The following GRHL3 variants were observed in gnomAD, a reference collection of about 807,000 sequenced individuals.
GRHL3 encodes the protein grainyhead like transcription factor 3, also known as grainyhead-like protein 3 homolog.
Under a neutral mutation model 70.3 loss-of-function variants are expected in GRHL3, and 20 were observed. The observed-to-expected ratio is 0.28, with a 90% confidence interval of 0.20 to 0.41. GRHL3 has a LOEUF of 0.41. Among genes scored for constraint, GRHL3 ranks in the 10% least tolerant of loss-of-function variants. The pLI, the probability that GRHL3 is intolerant of heterozygous loss-of-function variation, is 1.00. For synonymous variants in GRHL3, 299 were observed against 299.9 expected (o/e 1.00, Z 0.03); for missense variants, 637 against 762.3 (o/e 0.84, Z 1.94).
At position 24,334,834 on chromosome 1, in the gene GRHL3, G is replaced by C. The variant is rs1639735003; in HGVS notation, c.266+128G>C. ...GCTGAGGGCCCACAACACATTTTGG[G>C]ATTCATGATAATGTTTTCATTTATT... On this transcript the variant is annotated intron_variant, in intron 3 of 15. Transcript: ENST00000361548. The surrounding 1 kb of genome is among the most constrained non-coding windows in gnomAD (Gnocchi z 4.3). The C allele has an allele frequency of 3.9e-6, 2 of 515,240 alleles. No individual in the cohort carries two copies. The highest frequency in any genetic ancestry group is 3.5e-5 in the Admixed American group (1 of 28,282). The allele number at this position is 515,240 out of a possible 1,614,324, so 31.9% of individuals were successfully genotyped here. A position where few individuals can be genotyped will look rare whatever the true frequency, so the allele number is the denominator to read the frequency against.
chr1:24,339,310 C>T (rs894629043), intron 7 of GRHL3, among the ~76,000 whole-genome samples: 7 of 150,930 alleles, frequency 4.6e-5, no homozygotes, highest in East Asian at 3.9e-4. Context: ...GAGTCTCGCT[C>T]TCTCACCCAG....
intron 11 of GRHL3, 101 bp downstream of exon 11, chr1:24,343,126 C>A: frequency 7.2e-7 from 1 of 1,390,674 alleles, no homozygotes. Flanking sequence ...GCCTGCCCCT[C>A]AGCCAGTTTC....
chr1:24,338,811 C>T (rs1361010729), intron 7 of GRHL3, among the ~76,000 whole-genome samples: 1 of 152,222 alleles, frequency 6.6e-6, no homozygotes, highest in East Asian at 1.9e-4. Context: ...GCTTCAGCCC[C>T]TATTCTGCCT....
chr1:24,350,525 C>G (rs1640462674), intron 15 of GRHL3, among the ~76,000 whole-genome samples: 4 of 152,182 alleles, frequency 2.6e-5, no homozygotes, highest in Non-Finnish European at 4.4e-5. Flanking sequence ...CACAACCATA[C>G]TAAGAGGTAA....
intron 5 of GRHL3, 54 bp from the exon 6 acceptor site, chr1:24,337,581 AG>A: frequency 6.3e-7 from 1 of 1,593,608 alleles, no homozygotes; most frequent in South Asian, 1.1e-5. Flanking sequence ...ACTGCCCTCT[AG>A]GAGACTTCCT....
chr1:24,326,820 C>G (rs1207099644), intron 1 of GRHL3, among the ~76,000 whole-genome samples: 1 of 152,182 alleles, frequency 6.6e-6, no homozygotes, highest in Non-Finnish European at 1.5e-5. Context: ...CCTGGCTTCA[C>G]TCATTCAGTA....
Position 24,342,893 on chromosome 1 carries a change from C to G in GRHL3, c.1287C>G (p.Gly429=). ...KVKCPDSSNS[G]VKGCLLSGFR... is the part of the protein sequence containing the mutation. ...ACATTGGCTTCCTTCTCCCATCAGG[C>G]GTCAAGGGCTGCCTGCTGTCGGGCT... The change falls in exon 11 of 16, where the codon GGC becomes GGG. Residue 429 remains glycine, a splice_region_variant and synonymous_variant. Coordinates refer to ENST00000361548, the MANE Select transcript of GRHL3 (RefSeq NM_198173.3). This position sits in a 1 kb window ranked among gnomAD's most constrained non-coding sequence, Gnocchi z 4.8. The G allele has an allele frequency of 6.2e-7, 1 of 1,614,176 alleles. No homozygotes were observed. The highest frequency in any genetic ancestry group is 2.2e-5 in the East Asian group (1 of 44,880).
intron 1 of GRHL3, among the ~76,000 whole-genome samples, chr1:24,326,836 CAACAGGTCACCT>C (rs1639418736): frequency 6.6e-6 from 1 of 152,194 alleles, no homozygotes; most frequent in Non-Finnish European, 1.5e-5. Context: ...CAGTACCCTG[CAACAGGTCACCT>C]AACATCTCTA....
chr1:24,358,158 A>C, downstream of GRHL3: 1 of 482,196 alleles, frequency 2.1e-6, no homozygotes, highest in Non-Finnish European at 4.1e-6. Flanking sequence ...TGGGGCTTCC[A>C]GGCTTGGCCA....
chr1:24,340,210 C>T lies in GRHL3; in HGVS notation c.1047+448C>T, dbSNP rs149667338. Among the ~76,000 whole-genome samples, 1,231 of 152,298 alleles carry T rather than the reference C, an allele frequency of 8.1e-3. 13 individuals are homozygous for T. Among genetic ancestry groups the T allele is most frequent in the African/African-American group, 0.024 (981 of 41,558 alleles). On this transcript the variant is annotated intron_variant, in intron 8 of 15. Coordinates refer to ENST00000361548, the MANE Select transcript of GRHL3 (RefSeq NM_198173.3). ...CACAGCAAGCCACTGGGGGCACCCA[C>T]GTTTCCTGACTTCTTGGCCAGCGCA...
intron 4 of GRHL3, 116 bp downstream of exon 4, chr1:24,336,943 T>C (rs1278937950): frequency 6.6e-6 from 8 of 1,203,502 alleles, no homozygotes; most frequent in African/African-American, 1.5e-5. Flanking sequence ...ATCCTAGAGC[T>C]GAGACGGGAT....
chr1:24,320,149 C>A (rs1361073173), intron 1 of GRHL3, among the ~76,000 whole-genome samples: 5 of 152,188 alleles, frequency 3.3e-5, no homozygotes, highest in African/African-American at 1.2e-4. Flanking sequence ...TCATTTTCCT[C>A]ATCTGGAAAA....
In GRHL3 at chr1:24,347,491, A is replaced by T; in HGVS notation, c.1567A>T (p.Thr523Ser). 6.2e-7 allele frequency: 1 copy of T among 1,614,052 alleles called. No homozygotes were observed. Among genetic ancestry groups the T allele is most frequent in the Admixed American group, 1.7e-5 (1 of 60,008 alleles). ...QRVLLYVRRE[T>S]EEVFDALMLK... ...AGTTCTGCTGTATGTGCGGAGGGAG[A>T]CTGAGGAGGTGTTTGACGCGCTCAT... Residue 523 changes from threonine to serine, a missense_variant, in exon 14 of 16, where the codon ACT (threonine) becomes TCT (serine). By Grantham distance (58) the Thr-to-Ser change is moderately conservative (BLOSUM62 1). Coordinates refer to ENST00000361548, the MANE Select transcript of GRHL3 (RefSeq NM_198173.3).
intron 15 of GRHL3, among the ~76,000 whole-genome samples, chr1:24,350,584 A>C (rs1413818818): frequency 6.6e-6 from 1 of 152,252 alleles, no homozygotes; most frequent in African/African-American, 2.4e-5. Flanking sequence ...CTCAGAGGTA[A>C]TAAGCAGTGT....
chr1:24,336,272 C>G lies in GRHL3; in HGVS notation c.267-210C>G, dbSNP rs991981166. Among the ~76,000 whole-genome samples, 3 of 151,838 alleles carry G rather than the reference C, an allele frequency of 2.0e-5. No individual in the cohort carries two copies. In the East Asian group the frequency reaches 5.8e-4, roughly 29 times the overall value. ...ATAAAACAGATGTTGCTCCCTTAACCCTGAGCCTGTGCTTGGTTCCATTCT... is the reference window on the plus strand; with the variant it reads ...ATAAAACAGATGTTGCTCCCTTAACGCTGAGCCTGTGCTTGGTTCCATTCT... On this transcript the variant is annotated intron_variant, in intron 3 of 15. Transcript: ENST00000361548.
Position 24,342,631 on chromosome 1 carries a change from C to A in GRHL3, c.1207-63C>A. The A allele has an allele frequency of 7.3e-7, 1 of 1,371,186 alleles. No individual in the cohort carries two copies. Among genetic ancestry groups the A allele is most frequent in the Non-Finnish European group, 1.0e-6 (1 of 960,138 alleles). 84.9% of individuals were successfully genotyped at this position (1,371,186 alleles called of 1,614,324 possible). A position where few individuals can be genotyped will look rare whatever the true frequency, so the allele number is the denominator to read the frequency against. On this transcript the variant is annotated intron_variant, in intron 9 of 15. Transcript: ENST00000361548. This position sits in a 1 kb window ranked among gnomAD's most constrained non-coding sequence, Gnocchi z 4.8. ...GGCCCATATTTAAGATGCAAAGCAGCAGCTGTGAAAGTAGCTAGCCCCTCC... is the reference window on the plus strand; with the variant it reads ...GGCCCATATTTAAGATGCAAAGCAGAAGCTGTGAAAGTAGCTAGCCCCTCC...
rs145248699 is a variant in GRHL3 at position 24,350,602 on chromosome 1, C to A, written c.1694+480C>A. ...AGAGGTAATAAGCAGTGTTCAGGGG[C>A]AGGAGAAGTGGATCAAAGGCATGAG... On this transcript the variant is annotated intron_variant, in intron 15 of 15. Coordinates refer to ENST00000361548, the MANE Select transcript of GRHL3 (RefSeq NM_198173.3). Among the ~76,000 whole-genome samples, 5 of 152,268 alleles carry A rather than the reference C, an allele frequency of 3.3e-5. No homozygotes were observed. In the East Asian group the frequency reaches 7.7e-4, roughly 24 times the overall value.
At chr1:24,352,770 G>A (rs780505107) in intron 15 of GRHL3, among the ~76,000 whole-genome samples, 10 of 152,226 alleles carry the variant, frequency 6.6e-5, no homozygotes, top group African/African-American at 2.2e-4. Flanking sequence ...GTCTGTTTCC[G>A]ACCTCCCGTG....
downstream of GRHL3, chr1:24,358,433 C>G (rs555761350): frequency 4.3e-6 from 4 of 929,690 alleles, no homozygotes; most frequent in Admixed American, 5.2e-5. Flanking sequence ...AGCCACCCCC[C>G]AAGTTGTCAG....
Sources: allele counts gnomAD v4.1 joint callset (sites outside exome capture counted in the v4.1 genomes callset), GRCh38; gene constraint gnomAD v4.1.1; non-coding constraint Gnocchi (gnomAD v3.1); transcripts MANE v1.5; gene names NCBI Gene and HGNC (gene_info 2026-07-23, HGNC 2026-07-21).